The following RPL12 variants were observed in gnomAD, a reference collection of about 807,000 sequenced individuals.
The protein encoded by RPL12 is large ribosomal subunit protein uL11.
A neutral mutation model predicts 24.5 loss-of-function variants in RPL12; 10 were observed. That is an observed-to-expected ratio of 0.41 (90% confidence interval 0.25 to 0.69). RPL12 has a LOEUF of 0.69. Ranked by LOEUF, RPL12 falls within the 30% of genes least tolerant of loss-of-function variation. The pLI is 0.33. For synonymous variants in RPL12, 74 were observed against 76.1 expected (o/e 0.97, Z 0.14); for missense variants, 137 against 205.3 (o/e 0.67, Z 2.03).
chr9:127,449,461 C>T, intron 3 of RPL12, 99 bp from the exon 4 acceptor site: 1 of 1,344,160 alleles, frequency 7.4e-7, no homozygotes, highest in Non-Finnish European at 1.1e-6. Context: ...CAAGTCTTTG[C>T]CCTAGGTCCG....
In RPL12 at chr9:127,450,718, G is replaced by A. The variant is rs772764948; in HGVS notation, c.111+13C>T. The A allele has an allele frequency of 3.8e-6, 6 of 1,567,146 alleles. No homozygotes were observed. The highest frequency in any genetic ancestry group is 1.4e-5 in the African/African-American group (1 of 73,272). ...AAATGTGAAAAAAATGCCCCTTGGA[G>A]GGGATAACGTACCAGACCCAGGGGG... On this transcript the variant is annotated intron_variant, in intron 2 of 6. Transcript: ENST00000361436.
intron 2 of RPL12, 198 bp downstream of exon 2, chr9:127,450,533 A>C: frequency 1.9e-6 from 1 of 540,096 alleles, no homozygotes; most frequent in Non-Finnish European, 3.3e-6. Flanking sequence ...ACATGGAGCT[A>C]ATTACAATTT....
rs1834208786 is a variant in RPL12, at chr9:127,448,365, C to T, written c.351G>A (p.Arg117=). ...DEIVNIARQM[R]HRSLARELSG... Reference sequence around the variant, plus strand: ...AGAGTTCTCTGGCTAAGGATCGGTGCCGCATCTGTCGAGCAATGTTGACAA... The same window carrying T: ...AGAGTTCTCTGGCTAAGGATCGGTGTCGCATCTGTCGAGCAATGTTGACAA... The change falls in exon 5 of 7, where the codon CGG becomes CGA. Residue 117 remains arginine, a synonymous_variant. Coordinates refer to ENST00000361436, the MANE Select transcript of RPL12 (RefSeq NM_000976.4). 1.9e-6 allele frequency: 3 copies of T among 1,613,718 alleles called. No individual in the cohort carries two copies. Among genetic ancestry groups the T allele is most frequent in the African/African-American group, 1.3e-5 (1 of 75,010 alleles).
At chr9:127,449,772 C>T in intron 2 of RPL12, 64 bp from the exon 3 acceptor site, 1 of 1,250,594 alleles carries the variant, frequency 8.0e-7, no homozygotes. Flanking sequence ...GAAACCTGCC[C>T]ACCACTTCTC....
intron 5 of RPL12, 48 bp from the exon 6 acceptor site, chr9:127,448,037 A>C: frequency 6.4e-7 from 1 of 1,559,306 alleles, no homozygotes; most frequent in Non-Finnish European, 8.7e-7. Context: ...TCAGTCCCTC[A>C]CAATCTGCAG....
intron 1 of RPL12, 111 bp downstream of exon 1, chr9:127,451,170 G>A: frequency 7.0e-7 from 1 of 1,420,520 alleles, no homozygotes; most frequent in African/African-American, 1.4e-5. Flanking sequence ...ACACCGGGAA[G>A]GTCTCTGGGA....
chr9:127,448,449 T>A, intron 4 of RPL12, 26 bp from the exon 5 acceptor site: 1 of 1,472,554 alleles, frequency 6.8e-7, no homozygotes, highest in Non-Finnish European at 9.5e-7. Context: ...CAGCAAAAGC[T>A]CTTTTAAAGT....
intron 2 of RPL12, chr9:127,450,164 C>G (rs1392265566): frequency 1.1e-5 from 2 of 181,924 alleles, no homozygotes; most frequent in African/African-American, 4.7e-5. Context: ...AGTTAAGATA[C>G]AGGTTAAAAA....
At chr9:127,448,614 T>A (rs370429010) in intron 4 of RPL12, 191 bp from the exon 5 acceptor site, 1 of 756,660 alleles carries the variant, frequency 1.3e-6, no homozygotes, top group African/African-American at 1.7e-5. Flanking sequence ...AGAGACCTGG[T>A]CAGGTGCAGT....
chr9:127,448,299 A>G (rs926046982), intron 5 of RPL12, 38 bp downstream of exon 5: 1 of 1,489,298 alleles, frequency 6.7e-7, no homozygotes. Context: ...GAAAAACACA[A>G]CTACAGTTAT....
At chr9:127,450,341 C>T (rs1011036142) in intron 2 of RPL12, 2 of 201,636 alleles carry the variant, frequency 9.9e-6, no homozygotes, top group South Asian at 1.8e-4. Flanking sequence ...TTTACATCTA[C>T]AACACAGCTG....
intron 6 of RPL12, 36 bp downstream of exon 6, chr9:127,447,839 CCT>C: frequency 1.2e-6 from 2 of 1,610,528 alleles, no homozygotes; most frequent in Non-Finnish European, 1.7e-6. Flanking sequence ...GGGTGGCCCC[CCT>C]TTCACCCCTA....
intron 2 of RPL12, 93 bp from the exon 3 acceptor site, chr9:127,449,801 C>T: frequency 1.0e-6 from 1 of 959,596 alleles, no homozygotes; most frequent in Non-Finnish European, 1.6e-6. Context: ...ACAAAGGAAG[C>T]TATCTCAAGT....
In RPL12 at chr9:127,448,343, G is replaced by A. The variant is rs1425084381; in HGVS notation, c.373C>T (p.Leu125Phe). The change falls in exon 5 of 7, where the codon CTC (leucine) becomes TTC (phenylalanine). Residue 125 changes from leucine to phenylalanine, a missense_variant. Physicochemically the swap from Leu to Phe is conservative, Grantham distance 22. Transcript: ENST00000361436. ...QMRHRSLARE[L>F]SGTIKEILGT... ...CATGTTGTCCTGCTCTTACCAGAGA[G>A]TTCTCTGGCTAAGGATCGGTGCCGC... The A allele has an allele frequency of 1.1e-5, 18 of 1,607,936 alleles. No individual in the cohort carries two copies. Among genetic ancestry groups the A allele is most frequent in the Non-Finnish European group, 1.4e-5 (17 of 1,174,356 alleles).
chr9:127,451,259 CG>C, intron 1 of RPL12, 21 bp downstream of exon 1: 1 of 1,611,578 alleles, frequency 6.2e-7, no homozygotes, highest in South Asian at 1.1e-5. Flanking sequence ...CCCGCAGCCC[CG>C]GCCACAACCA....
intron 2 of RPL12, 87 bp downstream of exon 2, chr9:127,450,644 G>A: frequency 1.0e-6 from 1 of 973,578 alleles, no homozygotes; most frequent in Non-Finnish European, 1.5e-6. Context: ...AGCCACGAGG[G>A]CACCTCTGGC....
rs764200850 is a variant in RPL12 at position 127,448,397 on chromosome 9, CAA to C, written c.317_318del (p.Phe106Ter). 2 of 1,613,578 alleles carry C rather than the reference CAA, an allele frequency of 1.2e-6. No individual in the cohort carries two copies. The highest frequency in any genetic ancestry group is 1.3e-5 in the African/African-American group (1 of 74,904). ...KNIKHSGNITFDEIVNIARQM... is the reference protein window; with the variant it reads ...KNIKHSGNITXDEIVNIARQM... The stretch of plus-strand genomic sequence containing the variant: ...TGTCGAGCAATGTTGACAATCTCAT[CAA>C]AAGTGATATTCCCACTGTGTTTAAC... On this transcript the variant is annotated frameshift_variant, in exon 5 of 7. Transcript: ENST00000361436. LOFTEE classifies it high-confidence loss of function.
chr9:127,451,014 G>A (rs1834294060), intron 1 of RPL12: 1 of 644,368 alleles, frequency 1.6e-6, no homozygotes, highest in South Asian at 2.1e-5. Context: ...CGCTAACCCA[G>A]GCCAATGGGG....
chr9:127,449,891 A>G (rs1232183457), intron 2 of RPL12, 183 bp from the exon 3 acceptor site: 6 of 604,288 alleles, frequency 9.9e-6, no homozygotes, highest in Non-Finnish European at 1.8e-5. Context: ...CCAGAACTGT[A>G]AACTGCAGAC....
Sources: gnomAD v4.1 joint callset for allele counts on GRCh38, gnomAD v4.1.1 for gene constraint, MANE v1.5 for transcripts, NCBI Gene and HGNC (gene_info 2026-07-23, HGNC 2026-07-21) for gene names.